The following DSCAML1 variants were observed in gnomAD, a reference collection of about 807,000 sequenced individuals.
DSCAML1 encodes the protein cell adhesion molecule DSCAML1.
Under a neutral mutation model 200.5 loss-of-function variants are expected in DSCAML1, and 38 were observed. The ratio of observed to expected loss-of-function variants is 0.19; its 90% CI spans 0.15 to 0.25. DSCAML1 has a LOEUF of 0.25. Ranked by LOEUF, DSCAML1 falls within the 10% of genes least tolerant of loss-of-function variation. DSCAML1 has a pLI of 1.00. For synonymous variants in DSCAML1, 1,215 were observed against 1,165.0 expected (o/e 1.04, Z -0.87); for missense variants, 2,223 against 2,858.8 (o/e 0.78, Z 5.07).
chr11:117,442,919 A>G (rs1000999904), intron 21 of DSCAML1, among the ~76,000 whole-genome samples: 4 of 152,174 alleles, frequency 2.6e-5, no homozygotes, highest in Admixed American at 2.0e-4. Flanking sequence ...GGAATGGGTC[A>G]ACAAGCCCTG....
chr11:117,449,307 G>C (rs1186721889), intron 20 of DSCAML1, among the ~76,000 whole-genome samples: 1 of 152,084 alleles, frequency 6.6e-6, no homozygotes, highest in Non-Finnish European at 1.5e-5. Flanking sequence ...AATTCGCGGA[G>C]GTCTACAGTG....
At chr11:117,450,828 G>A in intron 19 of DSCAML1, 140 bp from the exon 20 acceptor site, 1 of 960,018 alleles carries the variant, frequency 1.0e-6, no homozygotes, top group Non-Finnish European at 1.5e-6. Context: ...GTTTAGAAGG[G>A]GAGGGTCCAT....
Position 117,743,847 on chromosome 11 carries a change from G to A in DSCAML1, c.511+32944C>T, listed in dbSNP as rs558977469. Among the ~76,000 whole-genome samples, 69 of 152,228 alleles carry A rather than the reference G, an allele frequency of 4.5e-4. No individual in the cohort carries two copies. The South Asian group carries it at 0.011, about 24-fold the overall frequency. Reference sequence around the variant, plus strand: ...GACCTGCAGGCATCACATTCCCGCCGCCATGGGGAGAAGGTGGTGCTCTCC... The same window carrying A: ...GACCTGCAGGCATCACATTCCCGCCACCATGGGGAGAAGGTGGTGCTCTCC... On this transcript the variant is annotated intron_variant, in intron 3 of 32. Transcript: ENST00000651296.
intron 3 of DSCAML1, among the ~76,000 whole-genome samples, chr11:117,709,280 A>G (rs775205668): frequency 6.6e-6 from 1 of 152,182 alleles, no homozygotes; most frequent in Non-Finnish European, 1.5e-5. Flanking sequence ...GGAGACTGCA[A>G]GTCTAAGGTC....
intron 15 of DSCAML1, 90 bp downstream of exon 15, chr11:117,471,779 A>T (rs2048691159): frequency 6.8e-7 from 1 of 1,466,544 alleles, no homozygotes; most frequent in African/African-American, 1.4e-5. Flanking sequence ...TTTAACTGCA[A>T]GCTCATTGCC....
intron 3 of DSCAML1, among the ~76,000 whole-genome samples, chr11:117,676,393 T>C (rs998772603): frequency 3.9e-5 from 6 of 152,228 alleles, no homozygotes; most frequent in Admixed American, 6.5e-5. Context: ...TGTACTTCAA[T>C]GCAAGTGGCT....
chr11:117,806,770 T>C (rs1183285282), intron 1 of DSCAML1, among the ~76,000 whole-genome samples: 5 of 152,248 alleles, frequency 3.3e-5, no homozygotes, highest in Non-Finnish European at 7.3e-5. Flanking sequence ...GTGTTACTGC[T>C]GTTACATTTT....
intron 1 of DSCAML1, among the ~76,000 whole-genome samples, chr11:117,786,791 T>C (rs770840580): frequency 6.6e-6 from 1 of 152,218 alleles, no homozygotes; most frequent in Non-Finnish European, 1.5e-5. Context: ...ACTCATCTCA[T>C]TCACTGGACT....
At position 117,503,957 on chromosome 11, in the gene DSCAML1, G is replaced by A; in HGVS notation, c.2247C>T (p.Asn749=). 5 of 1,614,200 alleles carry A rather than the reference G, an allele frequency of 3.1e-6. No homozygotes were observed. The highest frequency in any genetic ancestry group is 2.2e-5 in the East Asian group (1 of 44,886). Residue 749 remains asparagine (N), a synonymous_variant, in exon 11 of 33, where the codon AAC becomes AAT. Coordinates refer to ENST00000651296, the MANE Select transcript of DSCAML1 (RefSeq NM_020693.4). This position sits in a 1 kb window ranked among gnomAD's most constrained non-coding sequence, Gnocchi z 5.2. ...PLTGRIQILP[N]SSLLIRHVLE... is the part of the protein sequence containing the mutation. Reference sequence around the variant, plus strand: ...GGACGTGGCGGATCAGCAGCGAGCTGTTGGGCAGGATCTGGATGCGGCCAG... The same window carrying A: ...GGACGTGGCGGATCAGCAGCGAGCTATTGGGCAGGATCTGGATGCGGCCAG...
At chr11:117,430,287 G>T (rs1229123040) in intron 32 of DSCAML1, among the ~76,000 whole-genome samples, 2 of 152,200 alleles carry the variant, frequency 1.3e-5, no homozygotes, top group East Asian at 1.9e-4. Context: ...AATTCAAACA[G>T]CATTGAGACC....
chr11:117,529,547 C>G (rs2050036457), intron 4 of DSCAML1, among the ~76,000 whole-genome samples: 1 of 152,212 alleles, frequency 6.6e-6, no homozygotes, highest in Non-Finnish European at 1.5e-5. Context: ...TAATTCATAA[C>G]TGCCATCTTA....
chr11:117,507,621 G>A lies in DSCAML1; in HGVS notation c.1784-1889C>T, dbSNP rs78543657. 6.6e-3 allele frequency among the ~76,000 whole-genome samples: 1,007 copies of A among 152,194 alleles called. 11 individuals are homozygous for A. Among genetic ancestry groups the A allele is most frequent in the South Asian group, 0.033 (160 of 4,816 alleles). On this transcript the variant is annotated intron_variant, in intron 8 of 32. Transcript: ENST00000651296. ...CTTCCAATGTCATCTTCCACCTCGCGCTCACTCCAGCCTGTGCTCCCACCA... is the reference window on the plus strand; with the variant it reads ...CTTCCAATGTCATCTTCCACCTCGCACTCACTCCAGCCTGTGCTCCCACCA...
intron 8 of DSCAML1, among the ~76,000 whole-genome samples, chr11:117,510,507 C>T (rs1231338425): frequency 6.6e-6 from 1 of 152,144 alleles, no homozygotes; most frequent in Admixed American, 6.5e-5. Flanking sequence ...AGTTTTTACA[C>T]AACCCTCTCT....
At chr11:117,477,349 A>AGTGTGTGTGTGTGT (rs5795087) in intron 14 of DSCAML1, among the ~76,000 whole-genome samples, 31 of 140,178 alleles carry the variant, frequency 2.2e-4, no homozygotes, top group South Asian at 7.4e-4. Flanking sequence ...TGGTTCTGAA[A>AGTGTGTGTGTGTGT]GTGTGTGTGT....
At chr11:117,579,783 G>A (rs775063454) in intron 3 of DSCAML1, among the ~76,000 whole-genome samples, 1 of 152,186 alleles carries the variant, frequency 6.6e-6, no homozygotes, top group Non-Finnish European at 1.5e-5. Context: ...GCACATTGTA[G>A]ATGCTTAATA....
At chr11:117,472,135 C>T (rs1399121154) in intron 14 of DSCAML1, 99 bp from the exon 15 acceptor site, 19 of 1,377,146 alleles carry the variant, frequency 1.4e-5, no homozygotes, top group Admixed American at 1.1e-4. Flanking sequence ...GTTGGATGCC[C>T]GAGGGGTCCA....
intron 3 of DSCAML1, chr11:117,611,944 A>G (rs1205041224): frequency 1.3e-5 from 2 of 152,240 alleles, no homozygotes; most frequent in Non-Finnish European, 2.9e-5. Context: ...CCTTGGCTGA[A>G]TATCGGAGTT....
intron 3 of DSCAML1, among the ~76,000 whole-genome samples, chr11:117,536,629 G>A (rs932567710): frequency 6.6e-5 from 10 of 152,232 alleles, no homozygotes; most frequent in Non-Finnish European, 1.3e-4. Context: ...TGCCAACAGT[G>A]TCCCTGTGGG....
chr11:117,622,319 G>A (rs182991095), intron 3 of DSCAML1, among the ~76,000 whole-genome samples: 18 of 152,294 alleles, frequency 1.2e-4, no homozygotes, highest in African/African-American at 2.2e-4. Flanking sequence ...CTGAGAAGCC[G>A]CCATCTGTAA....
Sources: gnomAD v4.1 joint callset for allele counts (sites outside exome capture counted in the v4.1 genomes callset) on GRCh38, gnomAD v4.1.1 for gene constraint, Gnocchi (gnomAD v3.1) non-coding constraint, MANE v1.5 for transcripts, NCBI Gene and HGNC (gene_info 2026-07-23, HGNC 2026-07-21) for gene names.